Variants in COLEC10 observed in about 807,000 individuals in gnomAD.
COLEC10 encodes collectin-10.
In COLEC10, 22 loss-of-function variants were observed where a neutral mutation model predicts 28.4. The ratio of observed to expected loss-of-function variants is 0.78; its 90% CI spans 0.55 to 1.11. The LOEUF (loss-of-function observed/expected upper bound fraction) is 1.11. Among genes scored for constraint, COLEC10 ranks in the 50% least tolerant of loss-of-function variants. The probability of loss-of-function intolerance (pLI) is 0.00; values close to 1 mark genes in which losing one functional copy is unlikely to be tolerated. For synonymous variants in COLEC10, 125 were observed against 116.1 expected, an observed-to-expected ratio of 1.08 and a Z score of -0.49; for missense variants, 361 against 344.1, an observed-to-expected ratio of 1.05 and a Z score of -0.39.
the COLEC10 span, among the ~76,000 whole-genome samples, chr8:118,953,536 G>A: frequency 1.3e-5 from 2 of 152,148 alleles, no homozygotes; most frequent in Admixed American, 6.5e-5. Context: ...CAATAACTGA[G>A]TCCTTCAGTG....
chr8:118,974,065 A>T, the COLEC10 span, among the ~76,000 whole-genome samples: 1 of 151,814 alleles, frequency 6.6e-6, no homozygotes, highest in African/African-American at 2.4e-5. Context: ...CCTTTCATTT[A>T]ATTCAGGCTT....
At chr8:118,976,737 A>G in the COLEC10 span, 1 of 152,204 alleles carries the variant, frequency 6.6e-6, no homozygotes, top group East Asian at 1.9e-4. Context: ...ACAAAAGCCA[A>G]AATTAACAAA....
intron 5 of COLEC10, 76 bp from the exon 6 acceptor site, chr8:119,105,724 C>T (rs574300596): frequency 8.2e-7 from 1 of 1,226,844 alleles, no homozygotes; most frequent in Non-Finnish European, 1.1e-6. Flanking sequence ...AAATGTAAAT[C>T]TGGCAATATC....
At chr8:119,073,932 TAAAAC>T (rs1256901649) in intron 1 of COLEC10, among the ~76,000 whole-genome samples, 1 of 139,334 alleles carries the variant, frequency 7.2e-6, no homozygotes, top group African/African-American at 2.9e-5. Flanking sequence ...TGTGTATATA[TAAAAC>T]GTACATATAT....
the COLEC10 span, among the ~76,000 whole-genome samples, chr8:118,962,106 A>T: frequency 4.6e-5 from 7 of 152,214 alleles, no homozygotes; most frequent in African/African-American, 1.7e-4. Context: ...AAACATTTGC[A>T]GTCTCTTTAG....
intron 1 of COLEC10, among the ~76,000 whole-genome samples, chr8:119,087,363 T>C (rs1815500823): frequency 6.6e-6 from 1 of 152,172 alleles, no homozygotes; most frequent in African/African-American, 2.4e-5. Context: ...AGGGAGAATT[T>C]AGCCCAGTCT....
chr8:119,026,948 GCT>G, intron 2 of COLEC10, among the ~76,000 whole-genome samples: 1 of 152,272 alleles, frequency 6.6e-6, no homozygotes, highest in East Asian at 1.9e-4. Flanking sequence ...ATTGCTGGGG[GCT>G]GAAGGCAGGA....
chr8:119,100,842 A>C (rs1390732242), intron 3 of COLEC10, among the ~76,000 whole-genome samples: 1 of 152,158 alleles, frequency 6.6e-6, no homozygotes, highest in Non-Finnish European at 1.5e-5. Flanking sequence ...TGTATTCTGG[A>C]CTTCAAGGAC....
chr8:119,042,480 G>C (rs16891905), intron 2 of COLEC10, among the ~76,000 whole-genome samples: 1,824 of 152,172 alleles, frequency 0.012, 35 homozygotes, highest in African/African-American at 0.041. Flanking sequence ...GCAGCCCAAA[G>C]ACAAGGGGTT....
At chr8:119,083,150 A>AG (rs1310021874) in intron 1 of COLEC10, among the ~76,000 whole-genome samples, 1 of 152,196 alleles carries the variant, frequency 6.6e-6, no homozygotes, top group Non-Finnish European at 1.5e-5. Context: ...TGTAACAGGA[A>AG]GGGATTCAAT....
the COLEC10 span, chr8:118,982,680 T>G: frequency 5.9e-6 from 1 of 168,786 alleles, no homozygotes; most frequent in South Asian, 1.7e-4. Context: ...TGAATCCTTT[T>G]CCTGGTGATT....
At chr8:118,975,540 G>A in the COLEC10 span, among the ~76,000 whole-genome samples, 117 of 152,032 alleles carry the variant, frequency 7.7e-4, no homozygotes, top group African/African-American at 2.5e-3. Flanking sequence ...GAATTATTTC[G>A]ACACTCTTTT....
chr8:119,023,900 AG>A (rs143402318), intron 2 of COLEC10, among the ~76,000 whole-genome samples: 6,682 of 152,222 alleles, frequency 0.044, 218 homozygotes, highest in East Asian at 0.16. Context: ...GGTGCATGGT[AG>A]TCCTGTACAC....
At chr8:119,041,938 T>C (rs1814502946) in intron 2 of COLEC10, among the ~76,000 whole-genome samples, 1 of 152,120 alleles carries the variant, frequency 6.6e-6, no homozygotes, top group South Asian at 2.1e-4. Context: ...AGATTCAGAC[T>C]GGCCAGATAT....
At chr8:119,014,176 A>G (rs761420326) in intron 2 of COLEC10, among the ~76,000 whole-genome samples, 5 of 150,618 alleles carry the variant, frequency 3.3e-5, no homozygotes, top group African/African-American at 5.0e-5. Flanking sequence ...CTATTCCTTT[A>G]TGTAGAATTA....
chr8:118,976,465 A>G, the COLEC10 span: 2 of 152,162 alleles, frequency 1.3e-5, no homozygotes, highest in African/African-American at 4.8e-5. Context: ...TCCTTTGACT[A>G]TAGTTGAGAT....
At chr8:119,029,150 G>A (rs10464862) in intron 2 of COLEC10, among the ~76,000 whole-genome samples, 6,679 of 152,148 alleles carry the variant, frequency 0.044, 215 homozygotes, top group East Asian at 0.16. Flanking sequence ...GTTCCCAAAG[G>A]GATTTCTAAC....
intron 2 of COLEC10, among the ~76,000 whole-genome samples, chr8:119,037,979 T>A (rs767495156): frequency 7.9e-5 from 12 of 152,184 alleles, no homozygotes; most frequent in Non-Finnish European, 1.5e-4. Context: ...AAACACAGAG[T>A]TTGACACATA....
chr8:118,990,443 C>G, the COLEC10 span, among the ~76,000 whole-genome samples: 1 of 152,086 alleles, frequency 6.6e-6, no homozygotes, highest in African/African-American at 2.4e-5. Context: ...TAAATAGATT[C>G]TGTCTTAATG....
Sources: gnomAD v4.1 joint callset for allele counts (sites outside exome capture counted in the v4.1 genomes callset) on GRCh38, gnomAD v4.1.1 for gene constraint, MANE v1.5 for transcripts, NCBI Gene and HGNC (gene_info 2026-07-23, HGNC 2026-07-21) for gene names.